Variants in UGGT1 observed in about 807,000 individuals in gnomAD.
The protein encoded by UGGT1 is UDP-glucose:glycoprotein glucosyltransferase 1.
UGGT1 carries 107 observed loss-of-function variants against 203.9 expected under a neutral mutation model. The observed-to-expected ratio is 0.52, with a 90% CI of 0.45 to 0.62. UGGT1 has a LOEUF of 0.62. Among genes scored for constraint, UGGT1 ranks in the 20% least tolerant of loss-of-function variants. The pLI, the probability that UGGT1 is intolerant of heterozygous loss-of-function variation, is 0.00. For missense variants in UGGT1, 1,673 were observed against 1,867.2 expected (o/e 0.90, Z 1.92); for synonymous variants, 628 against 653.5 (o/e 0.96, Z 0.59).
At chr2:128,163,951 G>C (rs992077753) in intron 25 of UGGT1, among the ~76,000 whole-genome samples, 3 of 152,158 alleles carry the variant, frequency 2.0e-5, no homozygotes, top group African/African-American at 7.2e-5. Flanking sequence ...GGTTGAGATG[G>C]GCAGATTGTG....
chr2:128,137,477 A>C (rs761700737), intron 15 of UGGT1, among the ~76,000 whole-genome samples: 2 of 152,214 alleles, frequency 1.3e-5, no homozygotes, highest in Non-Finnish European at 2.9e-5. Context: ...GTTGTTTTGC[A>C]AAGATTTTCT....
chr2:128,097,414 T>C lies in UGGT1; in HGVS notation c.59-15T>C, dbSNP rs769283113. 6.3e-7 allele frequency: 1 copy of C among 1,583,010 alleles called. No homozygotes were observed. Among genetic ancestry groups the C allele is most frequent in the South Asian group, 1.2e-5 (1 of 85,234 alleles). On this transcript the variant is annotated splice_polypyrimidine_tract_variant and intron_variant, in intron 1 of 40. Coordinates refer to ENST00000259253, the MANE Select transcript of UGGT1 (RefSeq NM_020120.4). ...TTTCCTTGTAGCAAAACTTCTTTTC[T>C]TTTTTTCCTTTTAGGAGTTTGCTAT...
rs5834189 is a variant in UGGT1 at position 128,092,237 on chromosome 2, CTTT to C, written c.58+833_58+835del. On this transcript the variant is annotated intron_variant, in intron 1 of 40. Coordinates refer to ENST00000259253, the MANE Select transcript of UGGT1 (RefSeq NM_020120.4). ...GAATAATTGTAGCCTTTTCACTTTG[CTTT>C]TTTTTTTTTTAAGCCAGTCGAATTT... is the stretch of plus-strand genomic sequence containing the variant. 9.6e-5 allele frequency among the ~76,000 whole-genome samples: 14 copies of C among 145,718 alleles called. No individual in the cohort carries two copies. In the East Asian group the frequency reaches 2.0e-3, roughly 21 times the overall value.
chr2:128,174,385 G>A (rs189833845), intron 30 of UGGT1, among the ~76,000 whole-genome samples: 24 of 143,826 alleles, frequency 1.7e-4, no homozygotes, highest in Admixed American at 1.5e-3. Flanking sequence ...TGCAACCTCC[G>A]CCTCCCAGGT....
In UGGT1 at chr2:128,178,458, A is replaced by T. The variant is rs1350479124; in HGVS notation, c.3714-10A>T. On this transcript the variant is annotated splice_polypyrimidine_tract_variant and intron_variant, in intron 33 of 40. Transcript: ENST00000259253. ...TTCAAGTGGTCTTTTTTTTACCCTTATTGTTATAGGGGCTTTACAGGACAG... is the reference window on the plus strand; with the variant it reads ...TTCAAGTGGTCTTTTTTTTACCCTTTTTGTTATAGGGGCTTTACAGGACAG... 3 of 1,602,356 alleles carry T rather than the reference A, an allele frequency of 1.9e-6. No individual in the cohort carries two copies. The highest frequency in any genetic ancestry group is 1.3e-5 in the African/African-American group (1 of 74,094).
chr2:128,169,704 T>G (rs888475159), intron 26 of UGGT1, among the ~76,000 whole-genome samples: 2 of 152,230 alleles, frequency 1.3e-5, no homozygotes, highest in African/African-American at 4.8e-5. Flanking sequence ...TTATTTCTTA[T>G]AGAGGATGCT....
intron 15 of UGGT1, among the ~76,000 whole-genome samples, chr2:128,136,755 A>C (rs1055348194): frequency 1.3e-5 from 2 of 152,220 alleles, no homozygotes; most frequent in Non-Finnish European, 2.9e-5. Context: ...TCGTGTGTTA[A>C]TAGTATGCTT....
intron 5 of UGGT1, among the ~76,000 whole-genome samples, chr2:128,111,247 C>T (rs955977517): frequency 6.6e-6 from 1 of 151,908 alleles, no homozygotes; most frequent in Non-Finnish European, 1.5e-5. Context: ...CCCAGCTACT[C>T]GGGAGGCTGT....
chr2:128,097,413 C>G lies in UGGT1; in HGVS notation c.59-16C>G, dbSNP rs761565777. 6.3e-7 allele frequency: 1 copy of G among 1,578,966 alleles called. No homozygotes were observed. Among genetic ancestry groups the G allele is most frequent in the Non-Finnish European group, 8.5e-7 (1 of 1,169,652 alleles). On this transcript the variant is annotated splice_polypyrimidine_tract_variant and intron_variant, in intron 1 of 40. Transcript: ENST00000259253. ...ATTTCCTTGTAGCAAAACTTCTTTTCTTTTTTTCCTTTTAGGAGTTTGCTA... is the reference window on the plus strand; with the variant it reads ...ATTTCCTTGTAGCAAAACTTCTTTTGTTTTTTTCCTTTTAGGAGTTTGCTA...
rs372687546 is a variant in UGGT1 at position 128,139,603 on chromosome 2, A to T, written c.1719+751A>T. On this transcript the variant is annotated intron_variant, in intron 16 of 40. Coordinates refer to ENST00000259253, the MANE Select transcript of UGGT1 (RefSeq NM_020120.4). ...GCTGGGCAGTATTCTGAGGCTTGTA[A>T]CACTTGGTTGGCAGGTGACAGTCAG... Among the ~76,000 whole-genome samples the T allele has an allele frequency of 9.2e-5, 14 of 152,232 alleles. No homozygotes were observed. In the East Asian group the frequency reaches 2.5e-3, roughly 27 times the overall value.
intron 36 of UGGT1, 80 bp from the exon 37 acceptor site, chr2:128,182,050 C>A: frequency 6.9e-7 from 1 of 1,441,330 alleles, no homozygotes. Context: ...CTGCCTTAAG[C>A]GAGCCACTCT....
In UGGT1 at chr2:128,105,902, G is replaced by A. The variant is rs577674499; in HGVS notation, c.277+1888G>A. On this transcript the variant is annotated intron_variant, in intron 3 of 40. Coordinates refer to ENST00000259253, the MANE Select transcript of UGGT1 (RefSeq NM_020120.4). ...ATAATCTTGAACTCCTGCTCAAGCAGTGTTCCTGCTTCATCTTCCTCAGTA... is the reference window on the plus strand; with the variant it reads ...ATAATCTTGAACTCCTGCTCAAGCAATGTTCCTGCTTCATCTTCCTCAGTA... 2.2e-3 allele frequency among the ~76,000 whole-genome samples: 331 copies of A among 152,106 alleles called. 3 individuals carry two copies. The highest frequency in any genetic ancestry group is 7.4e-3 in the African/African-American group (307 of 41,520).
rs1691591241 is a variant in UGGT1, at chr2:128,179,778, T to C, written c.3816-8T>C. 6.2e-7 allele frequency: 1 copy of C among 1,608,832 alleles called. No individual in the cohort carries two copies. The highest frequency in any genetic ancestry group is 1.7e-5 in the Admixed American group (1 of 58,564). ...AGCTGTTATTAATTACCTGCTTTTGTTTGGCAGCATAATGATGCTATCCGT... is the reference window on the plus strand; with the variant it reads ...AGCTGTTATTAATTACCTGCTTTTGCTTGGCAGCATAATGATGCTATCCGT... On this transcript the variant is annotated splice_region_variant and splice_polypyrimidine_tract_variant and intron_variant, in intron 34 of 40. Transcript: ENST00000259253.
At chr2:128,104,983 ATTGTGTGAC>A (rs905956984) in intron 3 of UGGT1, among the ~76,000 whole-genome samples, 3 of 151,204 alleles carry the variant, frequency 2.0e-5, no homozygotes, top group African/African-American at 4.9e-5. Context: ...ATGTTTCAAA[ATTGTGTGAC>A]TGCTGCTGAT....
intron 26 of UGGT1, among the ~76,000 whole-genome samples, chr2:128,167,738 A>T (rs1690865814): frequency 1.3e-5 from 2 of 152,236 alleles, no homozygotes; most frequent in Admixed American, 6.5e-5. Context: ...ACATTTAAAC[A>T]TGATGTTGTT....
In UGGT1 at chr2:128,194,218, G is replaced by C. The variant is rs927838156; in HGVS notation, c.*4476G>C. ...GGTGATTCTCCTGCCTCAGCCTTCC[G>C]AGTAGCTGGGATTACAGGTGTGCGC... On this transcript the variant is annotated 3_prime_UTR_variant, in exon 41 of 41. Transcript: ENST00000259253. 2 of 151,878 alleles carry C rather than the reference G, an allele frequency of 1.3e-5. No individual in the cohort carries two copies. The highest frequency in any genetic ancestry group is 4.8e-5 in the African/African-American group (2 of 41,254). 9.4% of individuals were successfully genotyped at this position (151,878 alleles called of 1,614,324 possible). A position where few individuals can be genotyped will look rare whatever the true frequency, so the allele number is the denominator to read the frequency against.
intron 2 of UGGT1, among the ~76,000 whole-genome samples, chr2:128,099,537 A>G (rs1009825791): frequency 1.3e-5 from 2 of 152,166 alleles, no homozygotes; most frequent in African/African-American, 4.8e-5. Flanking sequence ...GAATGGTTGC[A>G]CCTCTTAAGG....
In UGGT1 at chr2:128,117,855, G is replaced by A. The variant is rs181193881; in HGVS notation, c.872+1512G>A. Among the ~76,000 whole-genome samples, 7 of 151,788 alleles carry A rather than the reference G, an allele frequency of 4.6e-5. No individual in the cohort carries two copies. The East Asian group carries it at 7.8e-4, about 17-fold the overall frequency. On this transcript the variant is annotated intron_variant, in intron 8 of 40. Transcript: ENST00000259253. ...TGAGCCACCGTGCCTGGCCTGGAAC[G>A]TCTTCTTAGCTGTTATTCTAAAAGT...
At chr2:128,094,275 G>A (rs1265341330) in intron 1 of UGGT1, among the ~76,000 whole-genome samples, 1 of 151,952 alleles carries the variant, frequency 6.6e-6, no homozygotes, top group Admixed American at 6.6e-5. Context: ...GAAAAACTCT[G>A]TAACTTTTGG....
Sources: allele counts gnomAD v4.1 joint callset (sites outside exome capture counted in the v4.1 genomes callset), GRCh38; gene constraint gnomAD v4.1.1; transcripts MANE v1.5; gene names NCBI Gene and HGNC (gene_info 2026-07-23, HGNC 2026-07-21).